The following SPAG16 variants were observed in gnomAD, a reference collection of about 807,000 sequenced individuals.
SPAG16 encodes sperm-associated antigen 16 protein.
In SPAG16, 86 loss-of-function variants were observed where a neutral mutation model predicts 80.4. That is an observed-to-expected ratio of 1.07 (90% CI 0.90 to 1.28). The LOEUF (loss-of-function observed/expected upper bound fraction) is 1.28. Among genes scored for constraint, SPAG16 ranks in the 50% most tolerant of loss-of-function variants. The pLI is 0.00. For missense variants in SPAG16, 870 were observed against 765.3 expected (o/e 1.14, Z -1.61); for synonymous variants, 294 against 265.9 (o/e 1.11, Z -1.03).
chr2:214,101,658 T>A (rs2053041436), intron 13 of SPAG16, among the ~76,000 whole-genome samples: 1 of 152,106 alleles, frequency 6.6e-6, no homozygotes, highest in Non-Finnish European at 1.5e-5. Flanking sequence ...CTCCATCTTC[T>A]TGCACATAAA....
At chr2:213,837,509 CT>C (rs1259502917) in intron 10 of SPAG16, among the ~76,000 whole-genome samples, 5 of 152,192 alleles carry the variant, frequency 3.3e-5, no homozygotes, top group Admixed American at 3.3e-4. Context: ...AAAATGTATT[CT>C]TTCTTACAGC....
At chr2:213,403,744 T>G (rs1162005346) in intron 9 of SPAG16, among the ~76,000 whole-genome samples, 1 of 152,110 alleles carries the variant, frequency 6.6e-6, no homozygotes, top group Non-Finnish European at 1.5e-5. Context: ...GCGTATTCAA[T>G]TAGGAAAAGA....
intron 10 of SPAG16, among the ~76,000 whole-genome samples, chr2:213,769,801 T>C (rs1238695724): frequency 6.6e-6 from 1 of 152,172 alleles, no homozygotes; most frequent in Non-Finnish European, 1.5e-5. Context: ...CTTTGACAAA[T>C]TCATATACCC....
intron 10 of SPAG16, among the ~76,000 whole-genome samples, chr2:213,643,216 T>G (rs2062670529): frequency 6.6e-6 from 1 of 150,862 alleles, no homozygotes; most frequent in African/African-American, 2.4e-5. Flanking sequence ...TATGCTATTC[T>G]AGGGTAAAAC....
chr2:214,210,843 A>G (rs1018805068), intron 15 of SPAG16, among the ~76,000 whole-genome samples: 3 of 152,020 alleles, frequency 2.0e-5, no homozygotes, highest in African/African-American at 7.2e-5. Flanking sequence ...GCGCGCGCAC[A>G]CACACACACA....
chr2:213,703,085 A>G (rs1574871033), intron 10 of SPAG16, among the ~76,000 whole-genome samples: 2 of 152,338 alleles, frequency 1.3e-5, no homozygotes, highest in East Asian at 3.9e-4. Context: ...GTCAGTACAC[A>G]CTTTGCCATT....
At chr2:213,290,773 C>T (rs1447841133) in intron 1 of SPAG16, among the ~76,000 whole-genome samples, 1 of 152,184 alleles carries the variant, frequency 6.6e-6, no homozygotes, top group Non-Finnish European at 1.5e-5. Context: ...GAAAGTAGAA[C>T]CAGAGTGTAC....
chr2:214,152,161 A>T (rs547458438), intron 15 of SPAG16, among the ~76,000 whole-genome samples: 6 of 118,092 alleles, frequency 5.1e-5, no homozygotes, highest in Non-Finnish European at 1.0e-4. Context: ...TCAAATTTTG[A>T]TGTATAACAA....
At chr2:213,511,467 G>C (rs1575794289) in intron 10 of SPAG16, among the ~76,000 whole-genome samples, 1 of 151,900 alleles carries the variant, frequency 6.6e-6, no homozygotes, top group Admixed American at 6.6e-5. Flanking sequence ...TAAATAAATT[G>C]GTTCTAAAGG....
intron 10 of SPAG16, among the ~76,000 whole-genome samples, chr2:213,629,552 G>A (rs780005498): frequency 9.2e-5 from 14 of 152,148 alleles, no homozygotes; most frequent in Non-Finnish European, 1.9e-4. Context: ...CAATTGCTGC[G>A]AAGAGTCAAA....
At chr2:214,243,375 G>T (rs752218812) in intron 15 of SPAG16, among the ~76,000 whole-genome samples, 3 of 152,026 alleles carry the variant, frequency 2.0e-5, no homozygotes, top group Non-Finnish European at 4.4e-5. Context: ...TATTCTCAAA[G>T]TGTAGTTTAA....
chr2:213,922,810 A>G (rs2078285691), intron 11 of SPAG16, among the ~76,000 whole-genome samples: 1 of 151,790 alleles, frequency 6.6e-6, no homozygotes, highest in Admixed American at 6.6e-5. Flanking sequence ...GGCACCCTCT[A>G]TGATTACTGT....
At chr2:214,140,833 T>C (rs1297463042) in intron 14 of SPAG16, among the ~76,000 whole-genome samples, 1 of 151,502 alleles carries the variant, frequency 6.6e-6, no homozygotes, top group Admixed American at 6.6e-5. Flanking sequence ...TTTCTGCTTG[T>C]TTTTAATGTT....
At chr2:214,398,605 TA>T (rs1335531322) in intron 15 of SPAG16, among the ~76,000 whole-genome samples, 1 of 152,230 alleles carries the variant, frequency 6.6e-6, no homozygotes, top group East Asian at 1.9e-4. Flanking sequence ...AAGAACAAAC[TA>T]ATCACATGTT....
rs145340192 is a variant in SPAG16, at chr2:213,682,835, C to T, written c.1071-179650C>T. Among the ~76,000 whole-genome samples, 708 of 152,224 alleles carry T rather than the reference C, an allele frequency of 4.7e-3. 5 individuals are homozygous for T. The highest frequency in any genetic ancestry group is 7.2e-3 in the Non-Finnish European group (487 of 68,008). ...CTAATGGTTTGGGGCTGGATTTACG[C>T]GGTTTTTAATCAAGGGGAACTTAAA... On this transcript the variant is annotated intron_variant, in intron 10 of 15. Coordinates refer to ENST00000331683, the MANE Select transcript of SPAG16 (RefSeq NM_024532.5).
At chr2:213,785,301 T>C (rs2070268299) in intron 10 of SPAG16, among the ~76,000 whole-genome samples, 1 of 152,152 alleles carries the variant, frequency 6.6e-6, no homozygotes, top group South Asian at 2.1e-4. Context: ...AATTAAAATA[T>C]TATTTTATGA....
At chr2:213,834,535 G>A (rs144339667) in intron 10 of SPAG16, among the ~76,000 whole-genome samples, 1 of 152,246 alleles carries the variant, frequency 6.6e-6, no homozygotes, top group African/African-American at 2.4e-5. Flanking sequence ...TCTGGAATGA[G>A]GATTGTATGA....
chr2:213,429,206 T>C (rs16850334), intron 9 of SPAG16, among the ~76,000 whole-genome samples: 3,530 of 152,204 alleles, frequency 0.023, 58 homozygotes, highest in South Asian at 0.038. Flanking sequence ...AATTGCTCTG[T>C]CTCAGGAATA....
rs2075277610 is a variant in SPAG16, at chr2:213,512,795, T to C, written c.1070+22705T>C. On this transcript the variant is annotated intron_variant, in intron 10 of 15. Transcript: ENST00000331683. The stretch of plus-strand genomic sequence containing the variant: ...TACTATCTCCAGGCATTTCCTGCGT[T>C]TATTGGGAACTGGAAGTTTTGAATC... Among the ~76,000 whole-genome samples the C allele has an allele frequency of 1.3e-5, 2 of 152,122 alleles. 1 individual carries two copies. The highest frequency in any genetic ancestry group is 3.9e-4 in the East Asian group (2 of 5,190).
Sources: gnomAD v4.1 joint callset for allele counts (sites outside exome capture counted in the v4.1 genomes callset) on GRCh38, gnomAD v4.1.1 for gene constraint, MANE v1.5 for transcripts, NCBI Gene and HGNC (gene_info 2026-07-23, HGNC 2026-07-21) for gene names.